ST3GAL2: variants seen among roughly 807,000 people sequenced by gnomAD.
ST3GAL2 encodes CMP-N-acetylneuraminate-beta-galactosamide-alpha-2,3-sialyltransferase 2.
Under a neutral mutation model 37.5 loss-of-function variants are expected in ST3GAL2, and 16 were observed. The observed-to-expected ratio is 0.43, with a 90% CI of 0.29 to 0.65. ST3GAL2 has a LOEUF of 0.65. Ranked by LOEUF, ST3GAL2 falls within the 30% of genes least tolerant of loss-of-function variation. The pLI, the probability that ST3GAL2 is intolerant of heterozygous loss-of-function variation, is 0.17. For missense variants in ST3GAL2, 383 were observed against 487.8 expected (o/e 0.79, Z 2.02); for synonymous variants, 238 against 202.9 (o/e 1.17, Z -1.47).
At chr16:70,432,691 A>G (rs1313601037) in intron 1 of ST3GAL2, among the ~76,000 whole-genome samples, 2 of 152,130 alleles carry the variant, frequency 1.3e-5, no homozygotes, top group East Asian at 1.9e-4. Context: ...TCACTTGGAG[A>G]TGTCTACCCT....
In ST3GAL2 at chr16:70,381,482, CAT is replaced by C. The variant is rs1330848893; in HGVS notation, c.*205_*206del. Reference sequence around the variant, plus strand: ...AGCGCCGGAAGTTTTCCTTGAGTCACATGATTGGCTGGGAGAAACAGAAGCTC... The same window carrying C: ...AGCGCCGGAAGTTTTCCTTGAGTCACGATTGGCTGGGAGAAACAGAAGCTC... On this transcript the variant is annotated 3_prime_UTR_variant, in exon 7 of 7. Transcript: ENST00000342907. The C allele has an allele frequency of 8.2e-5, 51 of 624,504 alleles. 1 individual carries two copies. The highest frequency in any genetic ancestry group is 2.2e-4 in the South Asian group (11 of 49,304). 38.7% of individuals were successfully genotyped at this position (624,504 alleles called of 1,614,324 possible). A position where few individuals can be genotyped will look rare whatever the true frequency, so the allele number is the denominator to read the frequency against.
intron 2 of ST3GAL2, among the ~76,000 whole-genome samples, chr16:70,395,970 C>T (rs959656446): frequency 6.8e-6 from 1 of 148,020 alleles, no homozygotes. Flanking sequence ...AAATGAAATA[C>T]TCTTTTTTTT....
At chr16:70,417,913 G>A (rs1279733321) in intron 1 of ST3GAL2, among the ~76,000 whole-genome samples, 2 of 152,104 alleles carry the variant, frequency 1.3e-5, no homozygotes, top group Non-Finnish European at 1.5e-5. Context: ...CCGGGGTGAA[G>A]GGACTAAGGT....
chr16:70,394,917 G>A, intron 3 of ST3GAL2, 65 bp downstream of exon 3: 1 of 1,558,958 alleles, frequency 6.4e-7, no homozygotes, highest in South Asian at 1.2e-5. Context: ...AGACAAGGCA[G>A]AGGAGGGCAG....
In ST3GAL2 at chr16:70,395,097, G is replaced by A; in HGVS notation, c.418C>T (p.Pro140Ser). ...KLFQIVPGEN[P>S]YRFRDPHQCR... ...TGGTGGGGGTCCCGGAAGCGGTAGG[G>A]GTTCTCGCCAGGCACTATCTGGAAC... Residue 140 changes from proline (P) to serine (S), a missense_variant, in exon 3 of 7, where the codon CCC (proline) becomes TCC (serine). By Grantham distance (74) the Pro-to-Ser change is moderately conservative (BLOSUM62 -1). This residue lies in a region of ST3GAL2 where 223 missense variants were observed against 239.1 expected (regional missense o/e 0.93). Transcript: ENST00000342907. The A allele has an allele frequency of 6.2e-7, 1 of 1,613,948 alleles. No individual in the cohort carries two copies. The highest frequency in any genetic ancestry group is 1.3e-5 in the African/African-American group (1 of 75,062).
At chr16:70,395,488 C>T (rs1366101021) in intron 2 of ST3GAL2, among the ~76,000 whole-genome samples, 1 of 152,178 alleles carries the variant, frequency 6.6e-6, no homozygotes, top group Admixed American at 6.5e-5. Flanking sequence ...CTCTGGGAAC[C>T]TGCAGGCCTG....
chr16:70,398,564 A>G lies in ST3GAL2; in HGVS notation c.-34T>C. The G allele has an allele frequency of 6.5e-7, 1 of 1,539,810 alleles. No individual in the cohort carries two copies. Among genetic ancestry groups the G allele is most frequent in the South Asian group, 1.2e-5 (1 of 84,806 alleles). On this transcript the variant is annotated 5_prime_UTR_variant, in exon 2 of 7. Coordinates refer to ENST00000342907, the MANE Select transcript of ST3GAL2 (RefSeq NM_006927.4). Reference sequence around the variant, plus strand: ...CAGGCGGGTGACGGTCACCGTGGCCACTCTTTTCCCAGCCCGCTGAGGGGC... The same window carrying G: ...CAGGCGGGTGACGGTCACCGTGGCCGCTCTTTTCCCAGCCCGCTGAGGGGC...
intron 1 of ST3GAL2, among the ~76,000 whole-genome samples, chr16:70,424,905 C>T (rs1313627972): frequency 6.6e-6 from 1 of 152,156 alleles, no homozygotes; most frequent in East Asian, 1.9e-4. Context: ...CCTGGGTTCA[C>T]TCTGATATGG....
chr16:70,385,076 C>T (rs898812269), intron 4 of ST3GAL2, among the ~76,000 whole-genome samples: 10 of 152,024 alleles, frequency 6.6e-5, no homozygotes, highest in Non-Finnish European at 1.3e-4. Flanking sequence ...GAGGCTGAGG[C>T]GGGCAGATCA....
At chr16:70,413,100 A>C (rs2047650235) in intron 1 of ST3GAL2, among the ~76,000 whole-genome samples, 1 of 151,426 alleles carries the variant, frequency 6.6e-6, no homozygotes, top group African/African-American at 2.4e-5. Flanking sequence ...AATACAAAAA[A>C]TAAGCCGGGC....
chr16:70,396,298 C>A (rs866450603), intron 2 of ST3GAL2, among the ~76,000 whole-genome samples: 99 of 129,250 alleles, frequency 7.7e-4, no homozygotes, highest in South Asian at 1.7e-3. Flanking sequence ...TATTTTTACT[C>A]AAAAAAAAAA....
chr16:70,431,005 C>A (rs1417673954), intron 1 of ST3GAL2, among the ~76,000 whole-genome samples: 4 of 151,994 alleles, frequency 2.6e-5, no homozygotes, highest in Non-Finnish European at 5.9e-5. Flanking sequence ...TTGGGGAAAC[C>A]TGACTTACAG....
intron 1 of ST3GAL2, among the ~76,000 whole-genome samples, chr16:70,403,157 T>C (rs1363985507): frequency 4.6e-5 from 7 of 151,506 alleles, no homozygotes; most frequent in Admixed American, 4.6e-4. Flanking sequence ...TGGTGAGAAA[T>C]GGCTGGATGT....
intron 1 of ST3GAL2, among the ~76,000 whole-genome samples, chr16:70,404,671 A>G (rs1421253476): frequency 6.6e-6 from 1 of 152,182 alleles, no homozygotes; most frequent in Non-Finnish European, 1.5e-5. Flanking sequence ...CAGTCACCAT[A>G]ATATATGACT....
intron 1 of ST3GAL2, among the ~76,000 whole-genome samples, chr16:70,421,758 A>G (rs964453240): frequency 2.0e-5 from 3 of 152,026 alleles, no homozygotes; most frequent in Admixed American, 2.0e-4. Context: ...GGCTCACTGC[A>G]GTCTTGGCCT....
chr16:70,429,611 G>A (rs2047775069), intron 1 of ST3GAL2, among the ~76,000 whole-genome samples: 2 of 132,584 alleles, frequency 1.5e-5, no homozygotes, highest in Admixed American at 7.1e-5. Flanking sequence ...AAAAAAAAGA[G>A]TGAATCCCTG....
chr16:70,397,828 A>C (rs186122842), intron 2 of ST3GAL2, among the ~76,000 whole-genome samples: 2 of 152,226 alleles, frequency 1.3e-5, no homozygotes, highest in East Asian at 3.9e-4. Flanking sequence ...TTAAAAAAAA[A>C]ACAAAAAACC....
At chr16:70,412,292 T>A (rs892461289) in intron 1 of ST3GAL2, among the ~76,000 whole-genome samples, 2 of 152,226 alleles carry the variant, frequency 1.3e-5, no homozygotes, top group Non-Finnish European at 2.9e-5. Context: ...TGATAAGATA[T>A]TATTTGTGAT....
At chr16:70,429,752 C>T (rs1323392542) in intron 1 of ST3GAL2, among the ~76,000 whole-genome samples, 2 of 150,636 alleles carry the variant, frequency 1.3e-5, no homozygotes, top group Non-Finnish European at 3.0e-5. Context: ...AGTGATTCTC[C>T]TGCCTCAGCC....
Sources: allele counts gnomAD v4.1 joint callset (sites outside exome capture counted in the v4.1 genomes callset), GRCh38; gene constraint gnomAD v4.1.1; regional missense constraint gnomAD v4.1.1; transcripts MANE v1.5; gene names NCBI Gene and HGNC (gene_info 2026-07-23, HGNC 2026-07-21).